C2orf15: variants seen among roughly 807,000 people sequenced by gnomAD.
C2orf15 encodes the protein chromosome 2 open reading frame 15, also known as uncharacterized protein C2orf15.
Under a neutral mutation model 4.4 loss-of-function variants are expected in C2orf15, and 3 were observed. That is an observed-to-expected ratio of 0.67 (90% CI 0.31 to 1.74). The LOEUF (loss-of-function observed/expected upper bound fraction) is 1.74. C2orf15 is among the 40% of genes most tolerant of loss of function. The pLI is 0.09. For synonymous variants in C2orf15, 37 were observed against 36.8 expected (o/e 1.00, Z -0.02); for missense variants, 90 against 103.3 (o/e 0.87, Z 0.56).
rs2093671109 is a variant in C2orf15, at chr2:99,149,741, C to T, written c.-76-742C>T. 2.7e-5 allele frequency among the ~76,000 whole-genome samples: 4 copies of T among 150,584 alleles called. No homozygotes were observed. In the South Asian group the frequency reaches 8.4e-4, roughly 32 times the overall value. On this transcript the variant is annotated intron_variant, in intron 3 of 3. Coordinates refer to ENST00000650052, the MANE Select transcript of C2orf15 (RefSeq NM_144706.4). ...ACAGGTGTGAGCCACTGCGCTCGGC[C>T]GATCATCTCTTTTTACAGACTAGAC...
intron 3 of C2orf15, among the ~76,000 whole-genome samples, chr2:99,148,551 T>C (rs2093655410): frequency 1.3e-5 from 2 of 152,236 alleles, no homozygotes; most frequent in African/African-American, 2.4e-5. Flanking sequence ...GTCACAAATA[T>C]GGATAAACAG....
chr2:99,147,245 TC>T (rs1486672905), intron 2 of C2orf15, 156 bp from the exon 3 acceptor site: 3 of 469,174 alleles, frequency 6.4e-6, no homozygotes, highest in African/African-American at 5.9e-5. Context: ...AAGAGATCTT[TC>T]CACCTTGGCC....
chr2:99,143,311 T>A (rs557729134), intron 2 of C2orf15, among the ~76,000 whole-genome samples: 1 of 151,180 alleles, frequency 6.6e-6, no homozygotes, highest in Admixed American at 6.6e-5. Context: ...CCAGCTTTTT[T>A]TTTGTTTGTT....
intron 2 of C2orf15, among the ~76,000 whole-genome samples, chr2:99,145,678 TA>T (rs1196877754): frequency 6.6e-6 from 1 of 152,152 alleles, no homozygotes. Flanking sequence ...CCACATAACA[TA>T]ACATAGTCCC....
At position 99,147,430 on chromosome 2, in the gene C2orf15, C is replaced by G. The variant is rs2093643508; in HGVS notation, c.-140C>G. On this transcript the variant is annotated 5_prime_UTR_variant, in exon 3 of 4. Transcript: ENST00000650052. ...TCTTCTTGAATGGCAACCTAAATGC[C>G]AGTCCAAAGAGGCCCCCAATAGACT... The G allele has an allele frequency of 6.2e-7, 1 of 1,609,876 alleles. No individual in the cohort carries two copies. Among genetic ancestry groups the G allele is most frequent in the Admixed American group, 1.7e-5 (1 of 59,948 alleles).
chr2:99,150,981 T>C lies in C2orf15; in HGVS notation c.*147T>C. The C allele has an allele frequency of 1.9e-6, 1 of 530,940 alleles. No homozygotes were observed. Among genetic ancestry groups the C allele is most frequent in the South Asian group, 3.5e-5 (1 of 28,278 alleles). The allele number at this position is 530,940 out of a possible 1,614,324, so 32.9% of individuals were successfully genotyped here. On this transcript the variant is annotated 3_prime_UTR_variant, in exon 4 of 4. Transcript: ENST00000650052. ...GCACTATTTGTGAATCATCTTACAC[T>C]GCATTTTTTTATGATGCTTATTCAA...
In C2orf15 at chr2:99,148,836, T is replaced by G. The variant is rs533245841; in HGVS notation, c.-77+1343T>G. Among the ~76,000 whole-genome samples, 8 of 152,114 alleles carry G rather than the reference T, an allele frequency of 5.3e-5. No individual in the cohort carries two copies. The East Asian group carries it at 1.2e-3, about 22-fold the overall frequency. On this transcript the variant is annotated intron_variant, in intron 3 of 3. Coordinates refer to ENST00000650052, the MANE Select transcript of C2orf15 (RefSeq NM_144706.4). ...AAATACAAACGTTAGAGTTTCTGTT[T>G]GGGATGATTAAAAGTTCTGGAGATG...
rs763094198 is a variant in C2orf15, at chr2:99,150,882, AG to A, written c.*54del. The A allele has an allele frequency of 7.1e-6, 9 of 1,263,878 alleles. No individual in the cohort carries two copies. Among genetic ancestry groups the A allele is most frequent in the Non-Finnish European group, 1.0e-5 (9 of 901,296 alleles). 78.3% of individuals were successfully genotyped at this position (1,263,878 alleles called of 1,614,324 possible). The stretch of plus-strand genomic sequence containing the variant: ...AGAAACCAAAAACTGCCTTTGACTA[AG>A]GGGGGTGTTGAAAGAGAACTTAACC... On this transcript the variant is annotated 3_prime_UTR_variant, in exon 4 of 4. Transcript: ENST00000650052.
At chr2:99,143,593 C>G (rs1267857307) in intron 2 of C2orf15, among the ~76,000 whole-genome samples, 1 of 151,964 alleles carries the variant, frequency 6.6e-6, no homozygotes, top group African/African-American at 2.4e-5. Context: ...GCCTTAGCCC[C>G]TTGAGTAGCT....
chr2:99,147,152 T>C, intron 2 of C2orf15: 1 of 279,218 alleles, frequency 3.6e-6, no homozygotes. Context: ...CTTTGTGGCA[T>C]ATCTTTTTGT....
chr2:99,144,604 G>A (rs1461627103), intron 2 of C2orf15, among the ~76,000 whole-genome samples: 3 of 129,834 alleles, frequency 2.3e-5, no homozygotes, highest in Non-Finnish European at 3.1e-5. Context: ...AGCCGAGATC[G>A]TGCCATCGCC....
In C2orf15 at chr2:99,145,864, A is replaced by G. The variant is rs139433927; in HGVS notation, c.-168-1538A>G. 1.0e-3 allele frequency among the ~76,000 whole-genome samples: 155 copies of G among 152,350 alleles called. 1 individual carries two copies. Among genetic ancestry groups the G allele is most frequent in the African/African-American group, 3.3e-3 (138 of 41,584 alleles). On this transcript the variant is annotated intron_variant, in intron 2 of 3. Transcript: ENST00000650052. ...ATAAAAGGTTCAAACCAGTCCAGGC[A>G]TGGTGGCTTACGCCAGTAATCCCAG...
intron 2 of C2orf15, among the ~76,000 whole-genome samples, chr2:99,145,807 G>T (rs1471329065): frequency 6.6e-6 from 1 of 152,168 alleles, no homozygotes; most frequent in Non-Finnish European, 1.5e-5. Flanking sequence ...AGAGTGTGTT[G>T]AGCAGAGGAC....
In C2orf15 at chr2:99,141,731, G is replaced by A. The variant is rs1307180446; in HGVS notation, c.-492G>A. On this transcript the variant is annotated 5_prime_UTR_variant, in exon 1 of 4. Transcript: ENST00000650052. ...TCTCTCGCAGCCCCGCCTTCCCTCA[G>A]CTTGAAACACCTGCTGCTTCGCGGC... 1 of 152,960 alleles carries A rather than the reference G, an allele frequency of 6.5e-6. No individual in the cohort carries two copies. Among genetic ancestry groups the A allele is most frequent in the African/African-American group, 2.4e-5 (1 of 41,480 alleles). 9.5% of individuals were successfully genotyped at this position (152,960 alleles called of 1,614,324 possible).
At position 99,150,948 on chromosome 2, in the gene C2orf15, C is replaced by T. The variant is rs1262506051; in HGVS notation, c.*114C>T. The T allele has an allele frequency of 3.0e-6, 2 of 664,632 alleles. No homozygotes were observed. Among genetic ancestry groups the T allele is most frequent in the East Asian group, 2.7e-5 (1 of 36,802 alleles). 41.2% of individuals were successfully genotyped at this position (664,632 alleles called of 1,614,324 possible). On this transcript the variant is annotated 3_prime_UTR_variant, in exon 4 of 4. Coordinates refer to ENST00000650052, the MANE Select transcript of C2orf15 (RefSeq NM_144706.4). ...TGACAAAATGATGGAAGACTATTGC[C>T]TTATTTTGCACTATTTGTGAATCAT... is the stretch of plus-strand genomic sequence containing the variant.
chr2:99,144,402 A>G (rs376158290), intron 2 of C2orf15, among the ~76,000 whole-genome samples: 2 of 150,788 alleles, frequency 1.3e-5, no homozygotes, highest in African/African-American at 4.9e-5. Flanking sequence ...CATAGGGCTC[A>G]CTTTATTTCC....
chr2:99,141,813 T>C lies in C2orf15; in HGVS notation c.-410T>C, dbSNP rs2093565567. ...GGCATCATTCTGGACCCATGTTCGGTGAACCGGTTACTCTCAGAGCTGCTT... is the reference window on the plus strand; with the variant it reads ...GGCATCATTCTGGACCCATGTTCGGCGAACCGGTTACTCTCAGAGCTGCTT... On this transcript the variant is annotated 5_prime_UTR_variant, in exon 1 of 4. Transcript: ENST00000650052. 6.6e-6 allele frequency: 1 copy of C among 152,522 alleles called. No homozygotes were observed. Among genetic ancestry groups the C allele is most frequent in the Non-Finnish European group, 1.5e-5 (1 of 68,068 alleles). The allele number at this position is 152,522 out of a possible 1,614,324, so 9.4% of individuals were successfully genotyped here.
At chr2:99,150,082 G>A (rs1013798359) in intron 3 of C2orf15, among the ~76,000 whole-genome samples, 1 of 152,222 alleles carries the variant, frequency 6.6e-6, no homozygotes, top group East Asian at 1.9e-4. Context: ...GTGGGCCACC[G>A]CACCCAGCCA....
At position 99,147,394 on chromosome 2, in the gene C2orf15, T is replaced by A; in HGVS notation, c.-168-8T>A. On this transcript the variant is annotated splice_region_variant and splice_polypyrimidine_tract_variant and intron_variant, in intron 2 of 3. Coordinates refer to ENST00000650052, the MANE Select transcript of C2orf15 (RefSeq NM_144706.4). ...TTATGTACCTTTATTCTTACATATA[T>A]ATTCCAGATTTCTTCTTGAATGGCA... The A allele has an allele frequency of 7.5e-7, 1 of 1,330,922 alleles. No homozygotes were observed. The highest frequency in any genetic ancestry group is 1.1e-6 in the Non-Finnish European group (1 of 922,948). 82.4% of individuals were successfully genotyped at this position (1,330,922 alleles called of 1,614,324 possible).
Sources: allele counts gnomAD v4.1 joint callset (sites outside exome capture counted in the v4.1 genomes callset), GRCh38; gene constraint gnomAD v4.1.1; transcripts MANE v1.5; gene names NCBI Gene and HGNC (gene_info 2026-07-23, HGNC 2026-07-21).